The following CHERP variants were observed in gnomAD, a reference collection of about 807,000 sequenced individuals.
CHERP encodes calcium homeostasis endoplasmic reticulum protein.
A neutral mutation model predicts 113.8 loss-of-function variants in CHERP; 8 were observed. The observed-to-expected ratio is 0.07, with a 90% CI of 0.04 to 0.13. The LOEUF (loss-of-function observed/expected upper bound fraction) is 0.13, where lower values mean the gene tolerates loss of function less well. Among genes scored for constraint, CHERP ranks in the 10% least tolerant of loss-of-function variants. The pLI is 1.00. For synonymous variants in CHERP, 559 were observed against 524.5 expected (o/e 1.07, Z -0.90); for missense variants, 884 against 1,298.2 (o/e 0.68, Z 4.90).
chr19:16,528,947 C>T (rs1231370709), intron 8 of CHERP, among the ~76,000 whole-genome samples: 1 of 151,988 alleles, frequency 6.6e-6, no homozygotes, highest in Non-Finnish European at 1.5e-5. Context: ...AGCAAGACTC[C>T]ATCTCAAAAA....
chr19:16,528,074 C>G lies in CHERP; in HGVS notation c.1305+6G>C. The stretch of plus-strand genomic sequence containing the variant: ...ATCTGCTCCCACCCCAGGTTCCAAT[C>G]AATACCTGCTGCTGGCCCCAAGGAG... On this transcript the variant is annotated splice_donor_region_variant and intron_variant, in intron 9 of 16. Transcript: ENST00000546361. 6.2e-7 allele frequency: 1 copy of G among 1,612,560 alleles called. No homozygotes were observed.
Position 16,532,690 on chromosome 19 carries a change from G to A in CHERP, c.582C>T (p.Ala194=), listed in dbSNP as rs777706280. 12 of 1,613,568 alleles carry A rather than the reference G, an allele frequency of 7.4e-6. No homozygotes were observed. Among genetic ancestry groups the A allele is most frequent in the South Asian group, 6.6e-5 (6 of 91,086 alleles). ...CCGTGATGCGGTTCCGGAGGTGGCC[G>A]GCCATCAGCTCACAGTGCGGCGGGG... The part of the protein sequence containing the change: ...AKSPPHCELM[A]GHLRNRITAD... The change falls in exon 5 of 17, where the codon GCC becomes GCT. Residue 194 remains alanine, a synonymous_variant. Transcript: ENST00000546361. The surrounding 1 kb of genome is among the most constrained non-coding windows in gnomAD (Gnocchi z 4.4).
At position 16,519,133 on chromosome 19, in the gene CHERP, ACCGGCGCGGCTC is replaced by A. The variant is rs771072526; in HGVS notation, c.*14_*25del. ...GGTCCCACAGCCGGCACCGCTGGCC[ACCGGCGCGGCTC>A]CCGGCATGGGCGCCTACTTACACTC... On this transcript the variant is annotated 3_prime_UTR_variant, in exon 17 of 17. Transcript: ENST00000546361. The surrounding 1 kb of genome is among the most constrained non-coding windows in gnomAD (Gnocchi z 6.0). 6.2e-7 allele frequency: 1 copy of A among 1,600,346 alleles called. No homozygotes were observed. The highest frequency in any genetic ancestry group is 1.1e-5 in the South Asian group (1 of 89,648).
At position 16,525,209 on chromosome 19, in the gene CHERP, C is replaced by G. The variant is rs1253608273; in HGVS notation, c.1741+33G>C. 6 of 1,400,410 alleles carry G rather than the reference C, an allele frequency of 4.3e-6. No homozygotes were observed. The highest frequency in any genetic ancestry group is 5.6e-6 in the Non-Finnish European group (6 of 1,077,246). 86.7% of individuals were successfully genotyped at this position (1,400,410 alleles called of 1,614,324 possible). A position where few individuals can be genotyped will look rare whatever the true frequency, so the allele number is the denominator to read the frequency against. On this transcript the variant is annotated intron_variant, in intron 10 of 16. Transcript: ENST00000546361. The surrounding 1 kb of genome is among the most constrained non-coding windows in gnomAD (Gnocchi z 6.5). The stretch of plus-strand genomic sequence containing the variant: ...TCGGCAGGCGAGCCGTGGATGCCTC[C>G]GCCAGGCCCTACCCAGGCGCCCGTA...
Position 16,532,966 on chromosome 19 carries a change from A to G in CHERP, c.522+45T>C. On this transcript the variant is annotated intron_variant, in intron 4 of 16. Coordinates refer to ENST00000546361, the MANE Select transcript of CHERP (RefSeq NM_006387.6). The surrounding 1 kb of genome is among the most constrained non-coding windows in gnomAD (Gnocchi z 4.4). ...GGCTACGACAGGCCCTGCCTCAGGGAGGGACCAAGGGAAAGCTGGGCTCTG... is the reference window on the plus strand; with the variant it reads ...GGCTACGACAGGCCCTGCCTCAGGGGGGGACCAAGGGAAAGCTGGGCTCTG... 2 of 1,554,150 alleles carry G rather than the reference A, an allele frequency of 1.3e-6. No individual in the cohort carries two copies. The highest frequency in any genetic ancestry group is 1.7e-6 in the Non-Finnish European group (2 of 1,147,810).
chr19:16,520,587 C>G lies in CHERP; in HGVS notation c.2202-80G>C. On this transcript the variant is annotated intron_variant, in intron 13 of 16. Coordinates refer to ENST00000546361, the MANE Select transcript of CHERP (RefSeq NM_006387.6). The surrounding 1 kb of genome is among the most constrained non-coding windows in gnomAD (Gnocchi z 4.0). Reference sequence around the variant, plus strand: ...CACCCTGGCCCTCAGGTTCCTAGACCACCCCAGATGCAGGGGCTCTGGCTG... The same window carrying G: ...CACCCTGGCCCTCAGGTTCCTAGACGACCCCAGATGCAGGGGCTCTGGCTG... 6.7e-7 allele frequency: 1 copy of G among 1,490,948 alleles called. No individual in the cohort carries two copies. Among genetic ancestry groups the G allele is most frequent in the Non-Finnish European group, 9.1e-7 (1 of 1,094,656 alleles). 92.4% of individuals were successfully genotyped at this position (1,490,948 alleles called of 1,614,324 possible). A position where few individuals can be genotyped will look rare whatever the true frequency, so the allele number is the denominator to read the frequency against.
intron 1 of CHERP, 117 bp downstream of exon 1, chr19:16,542,237 C>T (rs1325237777): frequency 2.7e-6 from 3 of 1,126,672 alleles, no homozygotes; most frequent in Non-Finnish European, 3.6e-6. Flanking sequence ...AGGCCGCAGG[C>T]GAAGCCGCGA....
At position 16,525,803 on chromosome 19, in the gene CHERP, G is replaced by A. The variant is rs1266018711; in HGVS notation, c.1306-126C>T. The stretch of plus-strand genomic sequence containing the variant: ...GAGGCGCTGCCCTGGCCACGTTGAG[G>A]CGCCTCCTACGCTGACGCCTGCGAG... On this transcript the variant is annotated intron_variant, in intron 9 of 16. Coordinates refer to ENST00000546361, the MANE Select transcript of CHERP (RefSeq NM_006387.6). This position sits in a 1 kb window ranked among gnomAD's most constrained non-coding sequence, Gnocchi z 6.5. The A allele has an allele frequency of 5.7e-6, 5 of 870,784 alleles. No individual in the cohort carries two copies. The highest frequency in any genetic ancestry group is 8.3e-6 in the Non-Finnish European group (5 of 604,578). 53.9% of individuals were successfully genotyped at this position (870,784 alleles called of 1,614,324 possible).
chr19:16,520,234 G>C lies in CHERP; in HGVS notation c.2377C>G (p.Arg793Gly), dbSNP rs575182489. 5 of 1,613,420 alleles carry C rather than the reference G, an allele frequency of 3.1e-6. No homozygotes were observed. Among genetic ancestry groups the C allele is most frequent in the Non-Finnish European group, 4.2e-6 (5 of 1,180,022 alleles). The change falls in exon 15 of 17, where the codon CGC becomes GGC. Residue 793 changes from arginine (R) to glycine (G), a missense_variant. Arg to Gly is a moderately radical substitution (Grantham distance 125). Around this residue, in one of 8 missense-constraint regions of CHERP, gnomAD observed 159 missense variants for 185.8 expected, o/e 0.86. Transcript: ENST00000546361. This position sits in a 1 kb window ranked among gnomAD's most constrained non-coding sequence, Gnocchi z 4.0. The stretch of plus-strand genomic sequence containing the variant: ...CGGGACCGCGACTGGGACCGGGAGC[G>C]GCTTCTGGAGGAGCGCGACCTGCTC... ...SRSRSRSSRS[R>G]SRSQSRSRSK...
At position 16,519,652 on chromosome 19, in the gene CHERP, C is replaced by G; in HGVS notation, c.2526G>C (p.Glu842Asp). 6.2e-7 allele frequency: 1 copy of G among 1,614,128 alleles called. No homozygotes were observed. Among genetic ancestry groups the G allele is most frequent in the Non-Finnish European group, 8.5e-7 (1 of 1,180,014 alleles). The change falls in exon 16 of 17, where the codon GAG becomes GAC. Residue 842 changes from glutamate (E) to aspartate (D), a missense_variant. Glu to Asp is a conservative substitution (Grantham distance 45). Coordinates refer to ENST00000546361, the MANE Select transcript of CHERP (RefSeq NM_006387.6). This position sits in a 1 kb window ranked among gnomAD's most constrained non-coding sequence, Gnocchi z 6.0. ...TCACCAGCATCTGATGGCCTTTGTT[C>G]TCTTCTCCGAGCCTTGAGTCAGGGA... ...PPIPDSRLGE[E>D]NKGHQMLVKM...
Position 16,530,770 on chromosome 19 carries a change from C to T in CHERP, c.785G>A (p.Arg262Gln). The T allele has an allele frequency of 6.2e-7, 1 of 1,613,994 alleles. No homozygotes were observed. The highest frequency in any genetic ancestry group is 8.5e-7 in the Non-Finnish European group (1 of 1,179,984). ...VEEDKQQKIA[R>Q]LLQLWEKNGY... ...ACCCCCGGCCCGGGGCCCACGCACC[C>T]GGGCGATCTTCTGCTGCTTGTCTTC... Residue 262 changes from arginine to glutamine, a missense_variant and splice_region_variant, in exon 6 of 17, where the codon CGG becomes CAG. Around this residue, in one of 8 missense-constraint regions of CHERP, gnomAD observed 73 missense variants for 182.4 expected, o/e 0.40. Coordinates refer to ENST00000546361, the MANE Select transcript of CHERP (RefSeq NM_006387.6). This position sits in a 1 kb window ranked among gnomAD's most constrained non-coding sequence, Gnocchi z 4.1.
Position 16,535,788 on chromosome 19 carries a change from T to C in CHERP, c.200-152A>G. 1 of 702,428 alleles carries C rather than the reference T, an allele frequency of 1.4e-6. No homozygotes were observed. The highest frequency in any genetic ancestry group is 1.8e-5 in the African/African-American group (1 of 54,350). 43.5% of individuals were successfully genotyped at this position (702,428 alleles called of 1,614,324 possible). On this transcript the variant is annotated intron_variant, in intron 2 of 16. Coordinates refer to ENST00000546361, the MANE Select transcript of CHERP (RefSeq NM_006387.6). This position sits in a 1 kb window ranked among gnomAD's most constrained non-coding sequence, Gnocchi z 4.3. ...TAGCCTCATGCCCACGCAAACCAGC[T>C]CCTCCTAGTCTCGGGTCCTGCCCTC...
chr19:16,539,328 T>C (rs1293555413), intron 2 of CHERP, among the ~76,000 whole-genome samples: 2 of 151,908 alleles, frequency 1.3e-5, no homozygotes, highest in East Asian at 3.9e-4. Flanking sequence ...TTTGTATTTT[T>C]AGTAGAGACG....
At chr19:16,522,267 CT>C (rs941317864) in intron 11 of CHERP, among the ~76,000 whole-genome samples, 63 of 147,804 alleles carry the variant, frequency 4.3e-4, no homozygotes, top group South Asian at 1.1e-3. Context: ...CCAACCCCCC[CT>C]TTTTTTTTTT....
chr19:16,526,964 G>T (rs1195448757), intron 9 of CHERP, among the ~76,000 whole-genome samples: 2 of 152,150 alleles, frequency 1.3e-5, no homozygotes, highest in Non-Finnish European at 2.9e-5. Flanking sequence ...TTGCCTTGTT[G>T]CCCAGGCTGG....
chr19:16,541,589 ACTC>A, intron 2 of CHERP: 1 of 380,640 alleles, frequency 2.6e-6, no homozygotes, highest in East Asian at 4.8e-5. Flanking sequence ...CAATCACGCT[ACTC>A]CTGCTAATCT....
chr19:16,535,615 G>A lies in CHERP; in HGVS notation c.221C>T (p.Pro74Leu), dbSNP rs1053636095. Residue 74 changes from proline to leucine, a missense_variant, in exon 3 of 17, where the codon CCG (proline) becomes CTG (leucine). Pro to Leu is a moderately conservative substitution (Grantham distance 98, BLOSUM62 -3). Transcript: ENST00000546361. This position sits in a 1 kb window ranked among gnomAD's most constrained non-coding sequence, Gnocchi z 4.3. Reference sequence around the variant, plus strand: ...CATGGTGGCGGCTGGCTCCAGCTCCGGGGTCTGCTGCTTGCAGATGACTGG... The same window carrying A: ...CATGGTGGCGGCTGGCTCCAGCTCCAGGGTCTGCTGCTTGCAGATGACTGG... ...QQQLICKQQT[P>L]ELEPAATMPP... is the part of the protein sequence containing the mutation. The A allele has an allele frequency of 6.5e-6, 10 of 1,530,430 alleles. No individual in the cohort carries two copies. Among genetic ancestry groups the A allele is most frequent in the South Asian group, 2.5e-5 (2 of 81,366 alleles). 94.8% of individuals were successfully genotyped at this position (1,530,430 alleles called of 1,614,324 possible).
chr19:16,521,073 C>A, intron 12 of CHERP, 161 bp from the exon 13 acceptor site: 1 of 659,214 alleles, frequency 1.5e-6, no homozygotes, highest in Non-Finnish European at 2.7e-6. Context: ...AGTGTTCCCA[C>A]AGGGCTGTCC....
rs762562358 is a variant in CHERP, at chr19:16,520,227, C to T, written c.2384G>A (p.Arg795Gln). Residue 795 changes from arginine to glutamine, a missense_variant, in exon 15 of 17, where the codon CGG becomes CAG. Physicochemically the swap from Arg to Gln is conservative, Grantham distance 43. This residue lies in a region of CHERP where 159 missense variants were observed against 185.8 expected (regional missense o/e 0.86). Transcript: ENST00000546361. This position sits in a 1 kb window ranked among gnomAD's most constrained non-coding sequence, Gnocchi z 4.0. ...SRSRSSRSRS[R>Q]SQSRSRSKSY... is the part of the protein sequence containing the mutation. ...CTTGGACCGGGACCGCGACTGGGAC[C>T]GGGAGCGGCTTCTGGAGGAGCGCGA... 1.2e-5 allele frequency: 20 copies of T among 1,613,392 alleles called. No homozygotes were observed. Among genetic ancestry groups the T allele is most frequent in the African/African-American group, 5.3e-5 (4 of 75,012 alleles).
Sources: allele counts gnomAD v4.1 joint callset (sites outside exome capture counted in the v4.1 genomes callset), GRCh38; gene constraint gnomAD v4.1.1; regional missense constraint gnomAD v4.1.1; non-coding constraint Gnocchi (gnomAD v3.1); transcripts MANE v1.5; gene names NCBI Gene and HGNC (gene_info 2026-07-23, HGNC 2026-07-21).